Variants in ERBB4 observed in about 807,000 individuals in gnomAD.
ERBB4 encodes the protein erb-b2 receptor tyrosine kinase 4, also known as receptor tyrosine-protein kinase erbB-4.
In ERBB4, 42 loss-of-function variants were observed where a neutral mutation model predicts 158.0. The ratio of observed to expected loss-of-function variants is 0.27; its 90% confidence interval spans 0.21 to 0.34. ERBB4 has a LOEUF of 0.34. Ranked by LOEUF, ERBB4 falls within the 10% of genes least tolerant of loss-of-function variation. The pLI is 1.00. For synonymous variants in ERBB4, 583 were observed against 558.7 expected (o/e 1.04, Z -0.61); for missense variants, 1,333 against 1,624.1 (o/e 0.82, Z 3.08).
At chr2:212,015,283 T>A (rs928949391) in intron 2 of ERBB4, among the ~76,000 whole-genome samples, 3 of 150,778 alleles carry the variant, frequency 2.0e-5, no homozygotes, top group African/African-American at 4.9e-5. Context: ...TAAAATAAAA[T>A]AAAAATAAAT....
chr2:211,607,005 G>A (rs1212520844), intron 19 of ERBB4, among the ~76,000 whole-genome samples: 1 of 152,104 alleles, frequency 6.6e-6, no homozygotes, highest in African/African-American at 2.4e-5. Flanking sequence ...TTACTGGTCA[G>A]ATTTACCTAT....
chr2:211,713,132 A>T (rs2073765923), intron 8 of ERBB4, among the ~76,000 whole-genome samples: 2 of 152,168 alleles, frequency 1.3e-5, no homozygotes, highest in Admixed American at 1.3e-4. Flanking sequence ...AGTAAATTTC[A>T]TGCCCCTCTG....
chr2:212,449,802 A>G (rs959217930), intron 1 of ERBB4, among the ~76,000 whole-genome samples: 4 of 152,064 alleles, frequency 2.6e-5, no homozygotes, highest in Non-Finnish European at 5.9e-5. Context: ...AACACCCCCT[A>G]CTATCACAAA....
chr2:211,463,219 CT>C (rs2125506592), intron 20 of ERBB4, among the ~76,000 whole-genome samples: 1 of 152,196 alleles, frequency 6.6e-6, no homozygotes, highest in East Asian at 1.9e-4. Context: ...AGTGATTCTC[CT>C]TCAATTACAA....
intron 22 of ERBB4, among the ~76,000 whole-genome samples, chr2:211,425,836 C>T (rs1264787929): frequency 1.3e-5 from 2 of 151,982 alleles, no homozygotes; most frequent in African/African-American, 4.8e-5. Context: ...GCATGAGCCA[C>T]CATGCCTGGC....
intron 3 of ERBB4, among the ~76,000 whole-genome samples, chr2:211,836,350 C>G (rs1441068529): frequency 6.6e-6 from 1 of 151,968 alleles, no homozygotes; most frequent in African/African-American, 2.4e-5. Flanking sequence ...TGCAAGAATC[C>G]ATATGCAAAC....
At chr2:211,512,634 T>C (rs1042971005) in intron 20 of ERBB4, among the ~76,000 whole-genome samples, 1 of 152,128 alleles carries the variant, frequency 6.6e-6, no homozygotes, top group East Asian at 1.9e-4. Context: ...ATTTTCTTAA[T>C]AGTAGGCAAA....
At chr2:211,414,519 AAAAAG>A (rs1292583984) in intron 25 of ERBB4, among the ~76,000 whole-genome samples, 1 of 141,492 alleles carries the variant, frequency 7.1e-6, no homozygotes, top group Admixed American at 7.0e-5. Flanking sequence ...AAAAAAAAAA[AAAAAG>A]AAAAGAAAAG....
chr2:211,999,632 TCA>T (rs1003222008), intron 2 of ERBB4, among the ~76,000 whole-genome samples: 3 of 151,832 alleles, frequency 2.0e-5, no homozygotes, highest in South Asian at 2.1e-4. Flanking sequence ...ACAAAAGTTC[TCA>T]GTGTTTACTG....
chr2:211,601,928 C>A (rs1414711041), intron 19 of ERBB4, among the ~76,000 whole-genome samples: 2 of 152,088 alleles, frequency 1.3e-5, no homozygotes, highest in African/African-American at 4.8e-5. Context: ...GAATTCATTA[C>A]CTCTCAACTA....
At chr2:212,241,950 T>C (rs1366890191) in intron 1 of ERBB4, among the ~76,000 whole-genome samples, 2 of 151,980 alleles carry the variant, frequency 1.3e-5, no homozygotes, top group Admixed American at 1.3e-4. Context: ...ATGAGTCCAC[T>C]AGAAATAGGA....
At chr2:211,889,209 C>G (rs370906671) in intron 3 of ERBB4, among the ~76,000 whole-genome samples, 2,302 of 124,750 alleles carry the variant, frequency 0.018, 34 homozygotes, top group African/African-American at 0.036. Flanking sequence ...TCTGAGAACC[C>G]GCAGACTGCC....
At chr2:212,230,178 GGGAGGCTGAGGCA>G (rs1437209149) in intron 1 of ERBB4, among the ~76,000 whole-genome samples, 1 of 151,882 alleles carries the variant, frequency 6.6e-6, no homozygotes, top group East Asian at 1.9e-4. Context: ...CCAGCTACTC[GGGAGGCTGAGGCA>G]GGAGAATTGC....
intron 19 of ERBB4, among the ~76,000 whole-genome samples, chr2:211,596,783 A>G (rs1348501820): frequency 6.7e-6 from 1 of 148,582 alleles, no homozygotes; most frequent in Non-Finnish European, 1.5e-5. Context: ...TTTTTTTCTG[A>G]GATGGAGTTT....
At chr2:212,133,406 TG>T (rs1325987106) in intron 1 of ERBB4, among the ~76,000 whole-genome samples, 1,403 of 57,012 alleles carry the variant, frequency 0.025, 40 homozygotes, top group African/African-American at 0.048. Context: ...GTTTTTTTTT[TG>T]TTTTGTTTTG....
intron 3 of ERBB4, among the ~76,000 whole-genome samples, chr2:211,793,702 G>A (rs2076324939): frequency 6.6e-6 from 1 of 151,816 alleles, no homozygotes; most frequent in Admixed American, 6.6e-5. Flanking sequence ...CTCTGGAATG[G>A]ACTTGGTCCA....
Position 212,101,479 on chromosome 2 carries a change from A to T in ERBB4, c.234+23273T>A, listed in dbSNP as rs115507536. Among the ~76,000 whole-genome samples the T allele has an allele frequency of 5.9e-3, 892 of 151,654 alleles. 7 individuals are homozygous for T. Among genetic ancestry groups the T allele is most frequent in the African/African-American group, 0.02 (832 of 41,454 alleles). On this transcript the variant is annotated intron_variant, in intron 2 of 27. Coordinates refer to ENST00000342788, the MANE Select transcript of ERBB4 (RefSeq NM_005235.3). ...CAAAGATTTCCAAGCTTCTTAAAAG[A>T]TAATGTATTAGGTTATATGAAATTA...
intron 1 of ERBB4, among the ~76,000 whole-genome samples, chr2:212,175,209 A>G (rs2081626368): frequency 6.6e-6 from 1 of 152,092 alleles, no homozygotes; most frequent in African/African-American, 2.4e-5. Context: ...TTAACATATC[A>G]CCAGCAGTCA....
chr2:211,880,048 A>C (rs1387465695), intron 3 of ERBB4, among the ~76,000 whole-genome samples: 2 of 151,558 alleles, frequency 1.3e-5, no homozygotes, highest in African/African-American at 4.8e-5. Context: ...AAGTACTAAT[A>C]TGTGAAAATA....
Sources: allele counts gnomAD v4.1 joint callset (sites outside exome capture counted in the v4.1 genomes callset), GRCh38; gene constraint gnomAD v4.1.1; transcripts MANE v1.5; gene names NCBI Gene and HGNC (gene_info 2026-07-23, HGNC 2026-07-21).